Variants in LIMA1 observed in about 807,000 individuals in gnomAD.
LIMA1 encodes LIM domain and actin-binding protein 1.
Under a neutral mutation model 62.6 loss-of-function variants are expected in LIMA1, and 52 were observed. The ratio of observed to expected loss-of-function variants is 0.83; its 90% CI spans 0.67 to 1.05. The LOEUF is 1.05. Among genes scored for constraint, LIMA1 ranks in the 50% least tolerant of loss-of-function variants. LIMA1 has a pLI of 0.00. For synonymous variants in LIMA1, 302 were observed against 317.8 expected, an observed-to-expected ratio of 0.95 and a Z score of 0.53; for missense variants, 780 against 902.2, an observed-to-expected ratio of 0.86 and a Z score of 1.74.
In LIMA1 at chr12:50,194,392, G is replaced by A. The variant is rs551848940; in HGVS notation, c.1030+1438C>T. Among the ~76,000 whole-genome samples, 8 of 151,988 alleles carry A rather than the reference G, an allele frequency of 5.3e-5. No homozygotes were observed. In the East Asian group the frequency reaches 1.4e-3, roughly 26 times the overall value. On this transcript the variant is annotated intron_variant, in intron 8 of 10. Transcript: ENST00000341247. ...GCTCACTGCAACCTCCACCTCCTGG[G>A]TTCAAGCAATTCTCCTGCCTCAGTG...
chr12:50,190,796 A>T (rs1940748229), intron 9 of LIMA1, among the ~76,000 whole-genome samples: 1 of 148,944 alleles, frequency 6.7e-6, no homozygotes, highest in South Asian at 2.1e-4. Context: ...GTTGTAAACA[A>T]CAGGTCCTAA....
chr12:50,179,000 G>T (rs1220955700), intron 10 of LIMA1, among the ~76,000 whole-genome samples: 2 of 132,686 alleles, frequency 1.5e-5, no homozygotes, highest in Non-Finnish European at 3.3e-5. Context: ...TTTTTTGAGA[G>T]AATCTCGCTC....
chr12:50,274,461 G>A (rs1942251889), intron 1 of LIMA1, among the ~76,000 whole-genome samples: 2 of 152,010 alleles, frequency 1.3e-5, no homozygotes, highest in African/African-American at 2.4e-5. Context: ...GCAGGTGCCT[G>A]GAGTCCCAGC....
chr12:50,191,593 A>G (rs1053122765), intron 9 of LIMA1, among the ~76,000 whole-genome samples: 1 of 152,132 alleles, frequency 6.6e-6, no homozygotes, highest in Non-Finnish European at 1.5e-5. Context: ...AGGCCAAGGC[A>G]GGCGGATCAC....
chr12:50,282,742 G>T (rs1942355203), intron 1 of LIMA1, among the ~76,000 whole-genome samples: 1 of 152,212 alleles, frequency 6.6e-6, no homozygotes. Context: ...CAGCTAAACC[G>T]TTCTTGCAAG....
At chr12:50,244,970 A>G (rs902511699) in intron 2 of LIMA1, among the ~76,000 whole-genome samples, 3 of 152,172 alleles carry the variant, frequency 2.0e-5, no homozygotes, top group Non-Finnish European at 1.5e-5. Context: ...TGGGAATAAG[A>G]GTTAAACAAG....
At chr12:50,250,759 G>A (rs1254312671) in intron 1 of LIMA1, among the ~76,000 whole-genome samples, 3 of 152,104 alleles carry the variant, frequency 2.0e-5, no homozygotes, top group Admixed American at 2.0e-4. Context: ...ATGGTAAGGA[G>A]CTCTGGGTTA....
chr12:50,242,774 G>A (rs962361847), intron 2 of LIMA1, among the ~76,000 whole-genome samples: 2 of 152,188 alleles, frequency 1.3e-5, no homozygotes, highest in Non-Finnish European at 2.9e-5. Flanking sequence ...ATCAAAGCAG[G>A]ATTGCTGGAA....
chr12:50,224,896 ATTT>A (rs773474227), intron 3 of LIMA1, among the ~76,000 whole-genome samples: 8 of 104,840 alleles, frequency 7.6e-5, no homozygotes, highest in Admixed American at 2.0e-4. Flanking sequence ...CATGCCTGGC[ATTT>A]TTTTTTTTTT....
In LIMA1 at chr12:50,177,693, T is replaced by C. The variant is rs777217378; in HGVS notation, c.1651A>G (p.Met551Val). ...TCAGGAGGCCATTTGGGCTTTGACATTTTGATCCCTTCCTCCAAGGCACTT... is the reference window on the plus strand; with the variant it reads ...TCAGGAGGCCATTTGGGCTTTGACACTTTGATCCCTTCCTCCAAGGCACTT... Reference protein sequence around the residue: ...SGSALEEGIKMSKPKWPPEDE... With the variant: ...SGSALEEGIKVSKPKWPPEDE... Residue 551 changes from methionine to valine, a missense_variant, in exon 11 of 11, where the codon ATG becomes GTG. Physicochemically the swap from Met to Val is conservative, Grantham distance 21. Transcript: ENST00000341247. 2 of 1,610,862 alleles carry C rather than the reference T, an allele frequency of 1.2e-6. No individual in the cohort carries two copies. Among genetic ancestry groups the C allele is most frequent in the East Asian group, 2.2e-5 (1 of 44,880 alleles).
chr12:50,231,275 A>C (rs12425229), intron 3 of LIMA1, among the ~76,000 whole-genome samples: 48,875 of 152,044 alleles, frequency 0.32, 8,129 homozygotes, highest in South Asian at 0.48. Flanking sequence ...AAAACCCAGA[A>C]GATGACAACA....
At chr12:50,258,469 A>G (rs151234989) in intron 1 of LIMA1, among the ~76,000 whole-genome samples, 43 of 151,308 alleles carry the variant, frequency 2.8e-4, no homozygotes, top group Middle Eastern at 3.4e-3. Flanking sequence ...TAATATTTTA[A>G]ATTTTTTTGT....
intron 4 of LIMA1, among the ~76,000 whole-genome samples, chr12:50,216,844 T>C (rs1185167142): frequency 1.3e-5 from 2 of 152,060 alleles, no homozygotes; most frequent in Non-Finnish European, 2.9e-5. Context: ...TCCTGGGCAA[T>C]AGAATGAGAC....
chr12:50,201,058 G>A, intron 6 of LIMA1, 174 bp from the exon 7 acceptor site: 1 of 1,406,842 alleles, frequency 7.1e-7, no homozygotes, highest in South Asian at 1.5e-5. Flanking sequence ...AATGACAAAA[G>A]CAGCTTTGTG....
At chr12:50,220,832 C>T (rs1941428325) in intron 4 of LIMA1, among the ~76,000 whole-genome samples, 1 of 152,304 alleles carries the variant, frequency 6.6e-6, no homozygotes, top group African/African-American at 2.4e-5. Flanking sequence ...TATAAAACTG[C>T]TTTGTGGTTA....
At chr12:50,279,482 A>G (rs555752622) in intron 1 of LIMA1, among the ~76,000 whole-genome samples, 4 of 152,262 alleles carry the variant, frequency 2.6e-5, no homozygotes, top group African/African-American at 7.2e-5. Flanking sequence ...TGGAGGTGAT[A>G]GTGGAAGTCA....
intron 2 of LIMA1, among the ~76,000 whole-genome samples, chr12:50,239,301 T>G (rs1037577872): frequency 6.6e-6 from 1 of 152,188 alleles, no homozygotes; most frequent in Non-Finnish European, 1.5e-5. Flanking sequence ...CTCACTTATA[T>G]TAATTAGCCT....
intron 1 of LIMA1, among the ~76,000 whole-genome samples, chr12:50,263,851 T>TATATAG (rs1555210866): frequency 0.019 from 2,490 of 127,840 alleles, 89 homozygotes; most frequent in East Asian, 0.13. Flanking sequence ...TATATATATA[T>TATATAG]AGAGAGTATA....
intron 9 of LIMA1, among the ~76,000 whole-genome samples, chr12:50,184,892 C>T (rs755285778): frequency 1.1e-4 from 16 of 151,972 alleles, no homozygotes; most frequent in African/African-American, 3.4e-4. Flanking sequence ...AGTACAGTGG[C>T]GCGATCTCAG....
Sources: gnomAD v4.1 joint callset for allele counts (sites outside exome capture counted in the v4.1 genomes callset) on GRCh38, gnomAD v4.1.1 for gene constraint, MANE v1.5 for transcripts, NCBI Gene and HGNC (gene_info 2026-07-23, HGNC 2026-07-21) for gene names.